Variants in SGCZ observed in about 807,000 individuals in gnomAD.
SGCZ encodes sarcoglycan zeta, also known as zeta-sarcoglycan.
SGCZ carries 40 observed loss-of-function variants against 41.3 expected under a neutral mutation model. That is an observed-to-expected ratio of 0.97 (90% CI 0.75 to 1.26). SGCZ has a LOEUF of 1.26. SGCZ is among the 50% of genes most tolerant of loss of function. The probability of loss-of-function intolerance (pLI) is 0.00; values close to 1 mark genes in which losing one functional copy is unlikely to be tolerated. For synonymous variants in SGCZ, 206 were observed against 137.5 expected, an observed-to-expected ratio of 1.50 and a Z score of -3.49; for missense variants, 552 against 369.8, an observed-to-expected ratio of 1.49 and a Z score of -4.04.
At chr8:14,288,952 C>G (rs895271751) in intron 3 of SGCZ, among the ~76,000 whole-genome samples, 1 of 152,012 alleles carries the variant, frequency 6.6e-6, no homozygotes, top group African/African-American at 2.4e-5. Context: ...TATTTTATGT[C>G]TTTTGTGTTT....
chr8:15,092,740 ATCTC>A (rs1477754345), intron 1 of SGCZ, among the ~76,000 whole-genome samples: 1 of 152,214 alleles, frequency 6.6e-6, no homozygotes, highest in Admixed American at 6.5e-5. Context: ...TTATTTTAAT[ATCTC>A]TCTATTACAC....
At chr8:14,237,945 C>T (rs542069265) in intron 3 of SGCZ, among the ~76,000 whole-genome samples, 3 of 152,312 alleles carry the variant, frequency 2.0e-5, no homozygotes, top group African/African-American at 4.8e-5. Flanking sequence ...TGCACATCAA[C>T]GGTGTAGTAA....
At chr8:14,715,829 G>A (rs1809671349) in intron 1 of SGCZ, among the ~76,000 whole-genome samples, 1 of 152,012 alleles carries the variant, frequency 6.6e-6, no homozygotes, top group Non-Finnish European at 1.5e-5. Flanking sequence ...CCAATTTAGA[G>A]GAGCTTACAA....
At chr8:14,510,364 G>C (rs1406446091) in intron 2 of SGCZ, among the ~76,000 whole-genome samples, 1 of 151,772 alleles carries the variant, frequency 6.6e-6, no homozygotes, top group African/African-American at 2.4e-5. Flanking sequence ...TTAAATTAAA[G>C]TTAAAGTTAT....
At chr8:14,278,448 A>C (rs972917802) in intron 3 of SGCZ, among the ~76,000 whole-genome samples, 2 of 152,150 alleles carry the variant, frequency 1.3e-5, no homozygotes, top group Non-Finnish European at 2.9e-5. Context: ...TACAACAAGC[A>C]AAGTGACCTC....
At chr8:14,335,390 A>T (rs893247467) in intron 2 of SGCZ, among the ~76,000 whole-genome samples, 1 of 151,934 alleles carries the variant, frequency 6.6e-6, no homozygotes, top group Non-Finnish European at 1.5e-5. Context: ...CCAAGGATGA[A>T]TTTTTTTTCC....
chr8:15,141,354 GT>G (rs1808314423), intron 1 of SGCZ, among the ~76,000 whole-genome samples: 1 of 152,216 alleles, frequency 6.6e-6, no homozygotes, highest in African/African-American at 2.4e-5. Context: ...AATGAGTCAT[GT>G]TGATTTAGGT....
At chr8:14,882,282 G>C (rs902036921) in intron 1 of SGCZ, among the ~76,000 whole-genome samples, 5 of 152,058 alleles carry the variant, frequency 3.3e-5, no homozygotes, top group African/African-American at 7.2e-5. Context: ...GGGAACCTTT[G>C]GGAAGCATAT....
intron 1 of SGCZ, among the ~76,000 whole-genome samples, chr8:14,600,275 A>G (rs1805544760): frequency 6.6e-6 from 1 of 152,124 alleles, no homozygotes; most frequent in South Asian, 2.1e-4. Flanking sequence ...CTTGGACTCA[A>G]TTCCTGTGCA....
intron 4 of SGCZ, among the ~76,000 whole-genome samples, chr8:14,191,747 T>A (rs182364050): frequency 1.3e-5 from 2 of 152,170 alleles, no homozygotes; most frequent in African/African-American, 4.8e-5. Flanking sequence ...TGAAACATCA[T>A]ACAAATGTTT....
At chr8:14,998,843 T>C (rs1055688788) in intron 1 of SGCZ, among the ~76,000 whole-genome samples, 1 of 152,206 alleles carries the variant, frequency 6.6e-6, no homozygotes, top group South Asian at 2.1e-4. Flanking sequence ...GAAAACCTAT[T>C]ATAAATGTCT....
In SGCZ at chr8:14,466,350, G is replaced by A. The variant is rs141263849; in HGVS notation, c.234+88382C>T. On this transcript the variant is annotated intron_variant, in intron 2 of 7. Transcript: ENST00000382080. ...GAGAAATCTTCTGTAATGTTATTGA[G>A]CATCCTTTGCATGTGAAGAGTCACT... 4.1e-4 allele frequency among the ~76,000 whole-genome samples: 63 copies of A among 152,058 alleles called. No individual in the cohort carries two copies. The East Asian group carries it at 0.012, about 29-fold the overall frequency.
At chr8:14,273,765 T>G (rs373965736) in intron 3 of SGCZ, among the ~76,000 whole-genome samples, 46 of 152,236 alleles carry the variant, frequency 3.0e-4, no homozygotes, top group East Asian at 2.5e-3. Context: ...GCCTAGATAC[T>G]AAGTGTAAAA....
At chr8:14,415,158 T>TG (rs990138049) in intron 2 of SGCZ, among the ~76,000 whole-genome samples, 10 of 151,892 alleles carry the variant, frequency 6.6e-5, no homozygotes, top group African/African-American at 2.2e-4. Flanking sequence ...TTGGGTCCTT[T>TG]GATATTAATG....
chr8:14,517,541 C>A (rs911879383), intron 2 of SGCZ, among the ~76,000 whole-genome samples: 1 of 151,898 alleles, frequency 6.6e-6, no homozygotes, highest in African/African-American at 2.4e-5. Flanking sequence ...TCTATGTTTG[C>A]AAGAATGTGC....
Position 14,237,618 on chromosome 8 carries a change from C to A in SGCZ, c.398G>T (p.Gly133Val). 1 of 1,613,882 alleles carries A rather than the reference C, an allele frequency of 6.2e-7. No homozygotes were observed. Among genetic ancestry groups the A allele is most frequent in the Non-Finnish European group, 8.5e-7 (1 of 1,179,844 alleles). ...TATGGTCAGCTGTCCGGTTAACTGC[C>A]CCATGTGATTTCTTGCATTCACTGT... ...NVTVNARNHM[G>V]QLTGQLTIGA... The change falls in exon 4 of 8, where the codon GGG (glycine) becomes GTG (valine). Residue 133 changes from glycine to valine, a missense_variant. By Grantham distance (109) the Gly-to-Val change is moderately radical. Coordinates refer to ENST00000382080, the MANE Select transcript of SGCZ (RefSeq NM_139167.4).
intron 1 of SGCZ, among the ~76,000 whole-genome samples, chr8:14,743,741 G>C (rs527445019): frequency 6.6e-6 from 1 of 151,754 alleles, no homozygotes; most frequent in Non-Finnish European, 1.5e-5. Context: ...TTCTTTTTCC[G>C]TCTTGCAAAA....
chr8:14,636,085 T>TA (rs149945704), intron 1 of SGCZ, among the ~76,000 whole-genome samples: 16,848 of 151,598 alleles, frequency 0.11, 1,124 homozygotes, highest in African/African-American at 0.2. Context: ...AAATGGCATA[T>TA]AAAAAAATCT....
intron 1 of SGCZ, among the ~76,000 whole-genome samples, chr8:15,157,698 C>A (rs1049326679): frequency 2.6e-5 from 4 of 152,138 alleles, no homozygotes; most frequent in African/African-American, 9.7e-5. Flanking sequence ...CATGCAGACA[C>A]AGACACACTC....
Sources: gnomAD v4.1 joint callset for allele counts (sites outside exome capture counted in the v4.1 genomes callset) on GRCh38, gnomAD v4.1.1 for gene constraint, MANE v1.5 for transcripts, NCBI Gene and HGNC (gene_info 2026-07-23, HGNC 2026-07-21) for gene names.